TRMT11: variants seen among roughly 807,000 people sequenced by gnomAD.
TRMT11 encodes the protein tRNA methyltransferase 11.
In TRMT11, 53 loss-of-function variants were observed where a neutral mutation model predicts 62.8. The observed-to-expected ratio is 0.84, with a 90% confidence interval of 0.68 to 1.06. TRMT11 has a LOEUF of 1.06. TRMT11 is among the 50% of genes least tolerant of loss of function. The pLI, the probability that TRMT11 is intolerant of heterozygous loss-of-function variation, is 0.00. For synonymous variants in TRMT11, 188 were observed against 190.3 expected (o/e 0.99, Z 0.10); for missense variants, 556 against 553.4 (o/e 1.00, Z -0.05).
rs1250344523 is a variant in TRMT11 at position 126,033,882 on chromosome 6, AG to A, written c.1261-4822del. 2.0e-5 allele frequency among the ~76,000 whole-genome samples: 3 copies of A among 152,166 alleles called. No individual in the cohort carries two copies. In the East Asian group the frequency reaches 5.8e-4, roughly 29 times the overall value. On this transcript the variant is annotated intron_variant, in intron 12 of 12. Coordinates refer to ENST00000334379, the MANE Select transcript of TRMT11 (RefSeq NM_001031712.3). ...AAGCCTTCCTTTGGTTTCTTTGGCA[AG>A]TGTGTTAAAATTCCTCGAGTGGTTT...
intron 17 of TRMT11, among the ~76,000 whole-genome samples, chr6:126,080,439 GGA>G (rs1027480973): frequency 2.0e-5 from 3 of 152,018 alleles, no homozygotes; most frequent in African/African-American, 7.3e-5. Context: ...TTTCCATAAT[GGA>G]GAGTCAGGGT....
chr6:126,043,560 T>C (rs1448441364), downstream of TRMT11, among the ~76,000 whole-genome samples: 1 of 151,196 alleles, frequency 6.6e-6, no homozygotes, highest in African/African-American at 2.4e-5. Flanking sequence ...GTCCTTTGGG[T>C]ATATACCCAG....
chr6:126,219,191 C>A, the TRMT11 span, among the ~76,000 whole-genome samples: 1 of 152,052 alleles, frequency 6.6e-6, no homozygotes, highest in Admixed American at 6.5e-5. Flanking sequence ...ATTTTTGGTT[C>A]CTATGAAAGT....
chr6:126,008,147 A>T (rs970667297), intron 7 of TRMT11, among the ~76,000 whole-genome samples: 2 of 152,038 alleles, frequency 1.3e-5, no homozygotes, highest in Admixed American at 6.6e-5. Context: ...AAAAAAAGAT[A>T]AAATAGTGCT....
chr6:126,267,919 A>G, the TRMT11 span, among the ~76,000 whole-genome samples: 1 of 152,060 alleles, frequency 6.6e-6, no homozygotes, highest in African/African-American at 2.4e-5. Context: ...TTAGAACCAT[A>G]ATGTCAAAAA....
At chr6:126,117,597 T>A (rs890124375) in intron 21 of TRMT11, among the ~76,000 whole-genome samples, 1 of 152,118 alleles carries the variant, frequency 6.6e-6, no homozygotes, top group Non-Finnish European at 1.5e-5. Flanking sequence ...TTTTTTGTGA[T>A]CTAGAGCTTC....
At chr6:126,262,725 G>T in the TRMT11 span, among the ~76,000 whole-genome samples, 1 of 152,306 alleles carries the variant, frequency 6.6e-6, no homozygotes, top group African/African-American at 2.4e-5. Flanking sequence ...AATAGGGACT[G>T]CTGGGGATAT....
At position 126,015,032 on chromosome 6, in the gene TRMT11, T is replaced by C. The variant is rs573411351; in HGVS notation, c.1139+1931T>C. Among the ~76,000 whole-genome samples the C allele has an allele frequency of 1.3e-3, 191 of 152,032 alleles. 1 individual carries two copies. Among genetic ancestry groups the C allele is most frequent in the African/African-American group, 4.2e-3 (173 of 41,446 alleles). The stretch of plus-strand genomic sequence containing the variant: ...GGTTGCTGCCTTAGCCAAACTGAAT[T>C]CCAGCAACAAGCTACTTGCTTTTTG... On this transcript the variant is annotated intron_variant, in intron 11 of 12. Coordinates refer to ENST00000334379, the MANE Select transcript of TRMT11 (RefSeq NM_001031712.3).
intron 2 of TRMT11, among the ~76,000 whole-genome samples, chr6:125,994,326 G>A (rs1343799113): frequency 8.8e-5 from 13 of 147,750 alleles, no homozygotes; most frequent in African/African-American, 2.7e-4. Flanking sequence ...TTTTTTTTTC[G>A]TGTACTTTTT....
intron 1 of TRMT11, among the ~76,000 whole-genome samples, chr6:126,182,993 G>T (rs1778484371): frequency 2.0e-5 from 3 of 152,234 alleles, no homozygotes; most frequent in Admixed American, 6.5e-5. Context: ...CTACAGGGAG[G>T]TGAGGTTTGT....
intron 21 of TRMT11, among the ~76,000 whole-genome samples, chr6:126,124,412 A>G (rs9986505): frequency 0.27 from 41,708 of 151,940 alleles, 6,154 homozygotes; most frequent in Middle Eastern, 0.42. Context: ...TGCAGGTGTC[A>G]TAGATTGCAA....
chr6:126,008,799 T>C, intron 8 of TRMT11: 1 of 474,508 alleles, frequency 2.1e-6, no homozygotes, highest in South Asian at 1.8e-5. Flanking sequence ...TCAAAAGTTA[T>C]ATGCATATTT....
intron 17 of TRMT11, among the ~76,000 whole-genome samples, chr6:126,064,097 G>T (rs1217073043): frequency 6.6e-6 from 1 of 152,154 alleles, no homozygotes; most frequent in Non-Finnish European, 1.5e-5. Context: ...CCTTTGGTGA[G>T]GAGAAGTTAG....
chr6:126,226,640 G>C, the TRMT11 span, among the ~76,000 whole-genome samples: 1 of 152,164 alleles, frequency 6.6e-6, no homozygotes, highest in African/African-American at 2.4e-5. Flanking sequence ...TGAAACTACA[G>C]ATAGAAAAAG....
chr6:126,182,739 G>A (rs1222162742), intron 1 of TRMT11, among the ~76,000 whole-genome samples: 26 of 152,098 alleles, frequency 1.7e-4, no homozygotes. Context: ...CTCTTAGAGG[G>A]ATTATTTTTG....
rs1008688357 is a variant in TRMT11, at chr6:126,039,205, A to C, written c.*369A>C. 6.5e-6 allele frequency: 1 copy of C among 154,506 alleles called. No individual in the cohort carries two copies. Among genetic ancestry groups the C allele is most frequent in the Non-Finnish European group, 1.4e-5 (1 of 69,804 alleles). The allele number at this position is 154,506 out of a possible 1,614,324, so 9.6% of individuals were successfully genotyped here. On this transcript the variant is annotated 3_prime_UTR_variant, in exon 13 of 13. Coordinates refer to ENST00000334379, the MANE Select transcript of TRMT11 (RefSeq NM_001031712.3). ...AGTTAAGAATTTATTCATTTGGTAG[A>C]TATGTTTATTTGGTTTTTGGTTGTC...
intron 21 of TRMT11, among the ~76,000 whole-genome samples, chr6:126,154,653 G>A (rs772263546): frequency 3.1e-4 from 47 of 152,196 alleles, no homozygotes; most frequent in Non-Finnish European, 6.5e-4. Flanking sequence ...CCACTTCTCA[G>A]TAAAGGGCAT....
At chr6:126,069,504 A>C (rs955589232) in intron 17 of TRMT11, among the ~76,000 whole-genome samples, 1 of 152,074 alleles carries the variant, frequency 6.6e-6, no homozygotes, top group African/African-American at 2.4e-5. Context: ...AATGAAGTCA[A>C]CTTCTCAAAC....
chr6:126,044,081 G>A (rs1426188270), downstream of TRMT11, among the ~76,000 whole-genome samples: 1 of 151,594 alleles, frequency 6.6e-6, no homozygotes, highest in African/African-American at 2.4e-5. Context: ...TGTCAATTTT[G>A]TCTTTTGTTG....
Sources: allele counts gnomAD v4.1 joint callset (sites outside exome capture counted in the v4.1 genomes callset), GRCh38; gene constraint gnomAD v4.1.1; transcripts MANE v1.5; gene names NCBI Gene and HGNC (gene_info 2026-07-23, HGNC 2026-07-21).